VPS72: variants seen among roughly 807,000 people sequenced by gnomAD.
VPS72 encodes vacuolar protein sorting 72 homolog.
Under a neutral mutation model 38.9 loss-of-function variants are expected in VPS72, and 27 were observed. The ratio of observed to expected loss-of-function variants is 0.69; its 90% CI spans 0.51 to 0.96. VPS72 has a LOEUF of 0.96. Ranked by LOEUF, VPS72 falls within the 40% of genes least tolerant of loss-of-function variation. The pLI is 0.00. For synonymous variants in VPS72, 173 were observed against 186.3 expected (o/e 0.93, Z 0.58); for missense variants, 360 against 479.5 (o/e 0.75, Z 2.33).
At chr1:151,189,921 G>C in intron 1 of VPS72, 84 bp downstream of exon 1, 4 of 1,452,300 alleles carry the variant, frequency 2.8e-6, no homozygotes, top group South Asian at 1.2e-5. Context: ...TCTATTCCCC[G>C]CCCTCTTCTT....
chr1:151,190,026 C>G lies in VPS72; in HGVS notation c.96G>C (p.Thr32=). ...TTGCCTCTGTGAAACCCCCATAAGT[C>G]GTCTGGTAGAACTCATCTTCCTCCT... is the stretch of plus-strand genomic sequence containing the variant. ...EAEEEDEFYQ[T]TYGGFTEESG... The change falls in exon 1 of 6, where the codon ACG becomes ACC. Residue 32 remains threonine (T), a synonymous_variant. Coordinates refer to ENST00000368892, the MANE Select transcript of VPS72 (RefSeq NM_005997.3). The G allele has an allele frequency of 6.2e-7, 1 of 1,614,084 alleles. No homozygotes were observed. The highest frequency in any genetic ancestry group is 8.5e-7 in the Non-Finnish European group (1 of 1,180,002).
intron 4 of VPS72, among the ~76,000 whole-genome samples, chr1:151,180,459 GAC>G (rs1336645062): frequency 1.3e-5 from 2 of 151,366 alleles, no homozygotes; most frequent in Non-Finnish European, 2.9e-5. Flanking sequence ...TCTTTTTTGA[GAC>G]AGAGTCTTGC....
At chr1:151,184,991 A>T (rs1181579204) in intron 3 of VPS72, among the ~76,000 whole-genome samples, 3 of 152,072 alleles carry the variant, frequency 2.0e-5, no homozygotes, top group Non-Finnish European at 4.4e-5. Flanking sequence ...GCATTTTGTT[A>T]TGTGTGGTTT....
chr1:151,176,715 CG>C lies in VPS72; in HGVS notation c.1023del (p.Gly342AlafsTer59). ...GGGAGGGGCTCAGGAGGTGGCGGGCCGGGGCCCAGGGCTGAGGCAGTGGGCG... is the reference window on the plus strand; with the variant it reads ...GGGAGGGGCTCAGGAGGTGGCGGGCCGGGCCCAGGGCTGAGGCAGTGGGCG... ...GLPPTASALGPGPPPPEPLPG... is the reference protein window; with the variant it reads ...GLPPTASALGXGPPPPEPLPG... On this transcript the variant is annotated frameshift_variant, in exon 6 of 6. Coordinates refer to ENST00000368892, the MANE Select transcript of VPS72 (RefSeq NM_005997.3). LOFTEE classifies it high-confidence loss of function. 6.2e-7 allele frequency: 1 copy of C among 1,614,108 alleles called. No individual in the cohort carries two copies. Among genetic ancestry groups the C allele is most frequent in the Non-Finnish European group, 8.5e-7 (1 of 1,180,008 alleles).
intron 3 of VPS72, among the ~76,000 whole-genome samples, chr1:151,185,301 T>C (rs1231494107): frequency 6.6e-6 from 1 of 152,094 alleles, no homozygotes; most frequent in Non-Finnish European, 1.5e-5. Flanking sequence ...AATTTTTGTA[T>C]TTTTAGTAGA....
At chr1:151,177,891 G>A in intron 5 of VPS72, 110 bp downstream of exon 5, 2 of 1,283,830 alleles carry the variant, frequency 1.6e-6, no homozygotes, top group East Asian at 4.7e-5. Context: ...TTAGGAATCT[G>A]AAAGAAATCT....
chr1:151,180,047 G>A (rs1398452935), intron 4 of VPS72, among the ~76,000 whole-genome samples: 1 of 151,820 alleles, frequency 6.6e-6, no homozygotes, highest in Admixed American at 6.6e-5. Context: ...GGCCAGGTGC[G>A]GTGGCTCATG....
intron 1 of VPS72, among the ~76,000 whole-genome samples, chr1:151,188,244 G>T (rs1684393645): frequency 6.6e-6 from 1 of 151,992 alleles, no homozygotes; most frequent in South Asian, 2.1e-4. Flanking sequence ...CACCATGTTG[G>T]TCAGGCTGGT....
intron 3 of VPS72, 91 bp from the exon 4 acceptor site, chr1:151,184,584 T>C (rs1684308460): frequency 6.7e-6 from 9 of 1,349,332 alleles, no homozygotes; most frequent in African/African-American, 1.5e-5. Context: ...GAAATAATTT[T>C]TTTTTCTTTT....
rs1286377675 is a variant in VPS72 at position 151,188,491 on chromosome 1, A to T, written c.117+1514T>A. 2.0e-5 allele frequency among the ~76,000 whole-genome samples: 3 copies of T among 152,238 alleles called. No homozygotes were observed. In the East Asian group the frequency reaches 5.8e-4, roughly 29 times the overall value. On this transcript the variant is annotated intron_variant, in intron 1 of 5. Coordinates refer to ENST00000368892, the MANE Select transcript of VPS72 (RefSeq NM_005997.3). Reference sequence around the variant, plus strand: ...CTGATGACTCTTCTCAGTCCTCTGGATGAAGAGCAAAATTCCTTAACATAG... The same window carrying T: ...CTGATGACTCTTCTCAGTCCTCTGGTTGAAGAGCAAAATTCCTTAACATAG...
chr1:151,184,866 T>G (rs1001021362), intron 3 of VPS72, among the ~76,000 whole-genome samples: 1 of 152,102 alleles, frequency 6.6e-6, no homozygotes, highest in African/African-American at 2.4e-5. Context: ...ATTACAGGCA[T>G]GAGCAACCGT....
rs200216847 is a variant in VPS72, at chr1:151,185,851, C to T, written c.217G>A (p.Gly73Arg). Residue 73 changes from glycine to arginine, a missense_variant, in exon 2 of 6, where the codon GGA (glycine) becomes AGA (arginine). Gly to Arg is a moderately radical substitution (Grantham distance 125). Around this residue, in one of 2 missense-constraint regions of VPS72, gnomAD observed 66 missense variants for 123.1 expected, o/e 0.54. Transcript: ENST00000368892. ...TTCCTTCTTGGCTCTTCTGCTTCTC[C>T]ATCACTGGATGGTTCATCCCCTTCA... ...IDEGDEPSSDGEAEEPRRKRR... is the reference protein window; with the variant it reads ...IDEGDEPSSDREAEEPRRKRR... 3.7e-6 allele frequency: 6 copies of T among 1,614,008 alleles called. No individual in the cohort carries two copies. The highest frequency in any genetic ancestry group is 2.5e-6 in the Non-Finnish European group (3 of 1,180,028).
Position 151,185,831 on chromosome 1 carries a change from T to C in VPS72, c.237A>G (p.Arg79=). Residue 79 remains arginine (R), a synonymous_variant, in exon 2 of 6, where the codon AGA becomes AGG. Coordinates refer to ENST00000368892, the MANE Select transcript of VPS72 (RefSeq NM_005997.3). ...CCTTGGTGACTACTCGGCGCTTCCT[T>C]CTTGGCTCTTCTGCTTCTCCATCAC... ...PSSDGEAEEP[R]RKRRVVTKAY... 2 of 1,614,174 alleles carry C rather than the reference T, an allele frequency of 1.2e-6. No homozygotes were observed. Among genetic ancestry groups the C allele is most frequent in the Non-Finnish European group, 1.7e-6 (2 of 1,180,032 alleles).
rs1361381575 is a variant in VPS72, at chr1:151,184,421, C to A, written c.458G>T (p.Gly153Val). The change falls in exon 4 of 6, where the codon GGC (glycine) becomes GTC (valine). Residue 153 changes from glycine (G) to valine (V), a missense_variant. Transcript: ENST00000368892. ...GGGCCCCTTTCGCCGTCTTGACTGG[C>A]CCTGCCTCTCCTGTACCCGAAGGAA... is the stretch of plus-strand genomic sequence containing the variant. Reference protein sequence around the residue: ...QTFLRVQERQGQSRRRKGPHC... With the variant: ...QTFLRVQERQVQSRRRKGPHC... The A allele has an allele frequency of 6.2e-7, 1 of 1,614,048 alleles. No individual in the cohort carries two copies. Among genetic ancestry groups the A allele is most frequent in the South Asian group, 1.1e-5 (1 of 91,080 alleles).
At position 151,178,687 on chromosome 1, in the gene VPS72, C is replaced by T. The variant is rs191376575; in HGVS notation, c.563-542G>A. Among the ~76,000 whole-genome samples, 287 of 152,150 alleles carry T rather than the reference C, an allele frequency of 1.9e-3. 3 individuals carry two copies. The highest frequency in any genetic ancestry group is 6.6e-3 in the African/African-American group (273 of 41,464). ...ATTTAAATATAGAGATTTCTGGTCG[C>T]TCTTAAACAACAAGAAAATCTCGCA... On this transcript the variant is annotated intron_variant, in intron 4 of 5. Coordinates refer to ENST00000368892, the MANE Select transcript of VPS72 (RefSeq NM_005997.3).
chr1:151,188,784 G>A (rs1200013029), intron 1 of VPS72, among the ~76,000 whole-genome samples: 1 of 152,130 alleles, frequency 6.6e-6, no homozygotes, highest in Non-Finnish European at 1.5e-5. Context: ...CTTTGGTTCA[G>A]ATGTATTACC....
intron 4 of VPS72, 80 bp from the exon 5 acceptor site, chr1:151,178,225 C>A: frequency 6.8e-7 from 1 of 1,479,272 alleles, no homozygotes; most frequent in South Asian, 1.3e-5. Flanking sequence ...CACGATCTCT[C>A]AATTATCTTC....
rs1362962376 is a variant in VPS72, at chr1:151,177,144, T to C, written c.708-113A>G. On this transcript the variant is annotated intron_variant, in intron 5 of 5. Transcript: ENST00000368892. ...GCTCACACCTGTAATTCCAGCACTT[T>C]GGGAGGCTGAGGCAGGCAGATGACG... is the stretch of plus-strand genomic sequence containing the variant. 11 of 1,190,344 alleles carry C rather than the reference T, an allele frequency of 9.2e-6. No individual in the cohort carries two copies. In the East Asian group the frequency reaches 2.4e-4, roughly 26 times the overall value. 73.7% of individuals were successfully genotyped at this position (1,190,344 alleles called of 1,614,324 possible).
At position 151,176,902 on chromosome 1, in the gene VPS72, G is replaced by C; in HGVS notation, c.837C>G (p.Pro279=). 1 of 1,614,080 alleles carries C rather than the reference G, an allele frequency of 6.2e-7. No individual in the cohort carries two copies. Among genetic ancestry groups the C allele is most frequent in the East Asian group, 2.2e-5 (1 of 44,890 alleles). ...SDDATFEEWF[P]QGRPPKVPVR... ...CAGGGACTTTTGGGGGCCGCCCTTG[G>C]GGGAACCATTCCTCGAAAGTTGCAT... is the stretch of plus-strand genomic sequence containing the variant. The change falls in exon 6 of 6, where the codon CCC becomes CCG. Residue 279 remains proline (P), a synonymous_variant. Transcript: ENST00000368892.
Sources: gnomAD v4.1 joint callset for allele counts (sites outside exome capture counted in the v4.1 genomes callset) on GRCh38, gnomAD v4.1.1 for gene constraint, gnomAD v4.1.1 regional missense constraint, MANE v1.5 for transcripts, NCBI Gene and HGNC (gene_info 2026-07-23, HGNC 2026-07-21) for gene names.